ANKRD26: variants seen among roughly 807,000 people sequenced by gnomAD.
ANKRD26 encodes the protein ankyrin repeat domain 26.
A neutral mutation model predicts 208.7 loss-of-function variants in ANKRD26; 141 were observed. The ratio of observed to expected loss-of-function variants is 0.68; its 90% confidence interval spans 0.59 to 0.78. The LOEUF (loss-of-function observed/expected upper bound fraction) is 0.78, where lower values mean the gene tolerates loss of function less well. Ranked by LOEUF, ANKRD26 falls within the 30% of genes least tolerant of loss-of-function variation. The probability of loss-of-function intolerance (pLI) is 0.00; values close to 1 mark genes in which losing one functional copy is unlikely to be tolerated. For synonymous variants in ANKRD26, 636 were observed against 660.4 expected, an observed-to-expected ratio of 0.96 and a Z score of 0.57; for missense variants, 1,889 against 1,938.7, an observed-to-expected ratio of 0.97 and a Z score of 0.48.
In ANKRD26 at chr10:27,082,799, C is replaced by A; in HGVS notation, c.740+4G>T. ...TATATTTTTAAAAATCTGTAAAATA[C>A]TACCTGCTTAAGGAGTCTTCAGAGC... On this transcript the variant is annotated splice_donor_region_variant and intron_variant, in intron 6 of 33. Coordinates refer to ENST00000376087, the MANE Select transcript of ANKRD26 (RefSeq NM_014915.3). 6.3e-7 allele frequency: 1 copy of A among 1,583,606 alleles called. No individual in the cohort carries two copies. Among genetic ancestry groups the A allele is most frequent in the Non-Finnish European group, 8.6e-7 (1 of 1,163,890 alleles).
At position 26,983,994 on chromosome 10, in the gene ANKRD26, G is replaced by T. The variant is rs141395416; in HGVS notation, c.490-1181C>A. Among the ~76,000 whole-genome samples, 34 of 152,298 alleles carry T rather than the reference G, an allele frequency of 2.2e-4. No homozygotes were observed. In the East Asian group the frequency reaches 6.6e-3, roughly 29 times the overall value. On this transcript the variant is annotated intron_variant and NMD_transcript_variant, in intron 3 of 5. Transcript: ENST00000674670. ...CAGCAGGCATCTTTTTGGAATCTGT[G>T]TGTATAATCCTGAGCCACTGTAGAA...
intron 32 of ANKRD26, among the ~76,000 whole-genome samples, 190 bp from the exon 33 acceptor site, chr10:27,007,152 T>C (rs2052916768): frequency 6.6e-6 from 1 of 152,194 alleles, no homozygotes; most frequent in Non-Finnish European, 1.5e-5. Flanking sequence ...AAAAAATGTG[T>C]AATGTTGTTT....
chr10:26,954,576 CTATTA>C, the ANKRD26 span, among the ~76,000 whole-genome samples: 1 of 151,808 alleles, frequency 6.6e-6, no homozygotes, highest in Non-Finnish European at 1.5e-5. Context: ...AATTGGATTT[CTATTA>C]TGTTTATTAA....
Position 27,014,568 on chromosome 10 carries a change from G to T in ANKRD26, c.4650C>A (p.Thr1550=). The stretch of plus-strand genomic sequence containing the variant: ...AGAGTTGCTTATATTTTTCCAGTTC[G>T]GTTTTATTAAAGTCTTCTTGAGAAG... ...IKTSQEDFNK[T]ELEKYKQLYL... is the part of the protein sequence containing the mutation. Residue 1550 remains threonine, a synonymous_variant, in exon 31 of 34, where the codon ACC becomes ACA. Transcript: ENST00000376087. 6.2e-7 allele frequency: 1 copy of T among 1,606,286 alleles called. No homozygotes were observed. The highest frequency in any genetic ancestry group is 8.5e-7 in the Non-Finnish European group (1 of 1,175,682).
At chr10:27,049,012 ATTACT>A (rs763042635) in intron 16 of ANKRD26, 33 bp from the exon 17 acceptor site, 16 of 1,504,432 alleles carry the variant, frequency 1.1e-5, no homozygotes, top group Non-Finnish European at 1.4e-5. Context: ...AGGAATTGCT[ATTACT>A]TTATTCAATA....
At chr10:27,069,206 A>G (rs1228267806) in intron 9 of ANKRD26, among the ~76,000 whole-genome samples, 23 of 148,968 alleles carry the variant, frequency 1.5e-4, no homozygotes, top group Non-Finnish European at 2.8e-4. Flanking sequence ...AAAAAAAAAA[A>G]AAAAAAAAAA....
chr10:27,008,833 C>T (rs1294360168), intron 32 of ANKRD26, among the ~76,000 whole-genome samples: 1 of 151,938 alleles, frequency 6.6e-6, no homozygotes, highest in Non-Finnish European at 1.5e-5. Context: ...CTCTCAATGA[C>T]CCTTGAATTT....
At chr10:27,024,100 G>T (rs1206138850) in intron 28 of ANKRD26, among the ~76,000 whole-genome samples, 1 of 151,822 alleles carries the variant, frequency 6.6e-6, no homozygotes, top group African/African-American at 2.4e-5. Flanking sequence ...TAAAAGATTT[G>T]AATATCTTCT....
intron 19 of ANKRD26, among the ~76,000 whole-genome samples, chr10:27,043,845 G>C (rs2054349394): frequency 6.6e-6 from 1 of 151,754 alleles, no homozygotes; most frequent in South Asian, 2.1e-4. Context: ...AGGCTGGAGT[G>C]CAGTATCGTG....
chr10:26,951,333 C>G, the ANKRD26 span, among the ~76,000 whole-genome samples: 1 of 152,028 alleles, frequency 6.6e-6, no homozygotes, highest in Non-Finnish European at 1.5e-5. Context: ...TGTTGGGGTA[C>G]TTACGTTATT....
At chr10:26,972,118 C>T (rs1185830566), downstream of ANKRD26, among the ~76,000 whole-genome samples, 1 of 151,774 alleles carries the variant, frequency 6.6e-6, no homozygotes, top group East Asian at 1.9e-4. Context: ...GCCTGTAGTC[C>T]CAGCTACTCG....
chr10:27,046,199 C>G, intron 18 of ANKRD26, 154 bp downstream of exon 18: 1 of 800,110 alleles, frequency 1.2e-6, no homozygotes, highest in East Asian at 2.7e-5. Flanking sequence ...ATTGAAATGG[C>G]TGCTTGTCAA....
At chr10:27,032,221 G>A (rs1443780581) in intron 25 of ANKRD26, among the ~76,000 whole-genome samples, 3 of 152,192 alleles carry the variant, frequency 2.0e-5, no homozygotes, top group Non-Finnish European at 4.4e-5. Flanking sequence ...TAAACAAGAT[G>A]GGTGCGGTGG....
chr10:26,992,356 C>T (rs1026246024), intron 5 of ANKRD26, among the ~76,000 whole-genome samples: 8 of 151,392 alleles, frequency 5.3e-5, no homozygotes, highest in Non-Finnish European at 7.4e-5. Flanking sequence ...TTGAGCTTGT[C>T]CCTTGTCGCC....
exon 6 of ANKRD26, among the ~76,000 whole-genome samples, chr10:26,974,142 T>C (rs917743882): frequency 2.6e-5 from 4 of 152,128 alleles, no homozygotes; most frequent in Admixed American, 6.6e-5. Flanking sequence ...ATTGAATATA[T>C]TAACCCCTTT....
rs1179378173 is a variant in ANKRD26, at chr10:27,044,153, G to C, written c.2019+4C>G. On this transcript the variant is annotated splice_donor_region_variant and intron_variant, in intron 19 of 33. Coordinates refer to ENST00000376087, the MANE Select transcript of ANKRD26 (RefSeq NM_014915.3). ...TAATTTTGATAATTTATTTTTTACA[G>C]TACCTTGTTCTTTTCATTAGATGTT... is the stretch of plus-strand genomic sequence containing the variant. 1 of 1,388,528 alleles carries C rather than the reference G, an allele frequency of 7.2e-7. No homozygotes were observed. Among genetic ancestry groups the C allele is most frequent in the South Asian group, 1.3e-5 (1 of 78,072 alleles). 86.0% of individuals were successfully genotyped at this position (1,388,528 alleles called of 1,614,324 possible).
At chr10:26,950,475 G>A in the ANKRD26 span, among the ~76,000 whole-genome samples, 2 of 152,226 alleles carry the variant, frequency 1.3e-5, no homozygotes, top group East Asian at 1.9e-4. Flanking sequence ...AATGTTGGAG[G>A]TGGGGTCTTG....
chr10:26,970,012 T>TTAGTAGTGACAG (rs58939050), downstream of ANKRD26, among the ~76,000 whole-genome samples: 1 of 151,482 alleles, frequency 6.6e-6, no homozygotes. Flanking sequence ...TTTTGTATTT[T>TTAGTAGTGACAG]AGTTTTGTCA....
At chr10:26,998,637 C>T (rs149795694) in intron 4 of ANKRD26, among the ~76,000 whole-genome samples, 266 of 152,332 alleles carry the variant, frequency 1.7e-3, no homozygotes, top group African/African-American at 5.7e-3. Flanking sequence ...AACTGTGCTT[C>T]GCAGCTCAGC....
Sources: allele counts gnomAD v4.1 joint callset (sites outside exome capture counted in the v4.1 genomes callset), GRCh38; gene constraint gnomAD v4.1.1; transcripts MANE v1.5; gene names NCBI Gene and HGNC (gene_info 2026-07-23, HGNC 2026-07-21).